The following KLF12 variants were observed in gnomAD, a reference collection of about 807,000 sequenced individuals.
KLF12 encodes the protein Krueppel-like factor 12.
KLF12 carries 9 observed loss-of-function variants against 37.8 expected under a neutral mutation model. That is an observed-to-expected ratio of 0.24 (90% CI 0.14 to 0.42). The LOEUF (loss-of-function observed/expected upper bound fraction) is 0.42. KLF12 is among the 10% of genes least tolerant of loss of function. KLF12 has a pLI of 1.00. For missense variants in KLF12, 411 were observed against 516.0 expected (o/e 0.80, Z 1.97); for synonymous variants, 208 against 202.1 (o/e 1.03, Z -0.25).
chr13:74,090,066 T>C (rs556179400), intron 1 of KLF12, among the ~76,000 whole-genome samples: 1 of 152,176 alleles, frequency 6.6e-6, no homozygotes, highest in African/African-American at 2.4e-5. Flanking sequence ...GAAAATACAT[T>C]ACAACTAATA....
At chr13:73,836,628 T>A (rs1462861550) in intron 4 of KLF12, among the ~76,000 whole-genome samples, 1 of 152,304 alleles carries the variant, frequency 6.6e-6, no homozygotes, top group African/African-American at 2.4e-5. Flanking sequence ...ATAACAGCAC[T>A]TGTACTATAT....
chr13:73,790,443 T>A (rs189509181), intron 5 of KLF12, among the ~76,000 whole-genome samples: 1 of 152,200 alleles, frequency 6.6e-6, no homozygotes, highest in Non-Finnish European at 1.5e-5. Context: ...TTTAAAAAAA[T>A]TGTACTGTTT....
Position 73,978,376 on chromosome 13 carries a change from A to G in KLF12, c.33+16614T>C, listed in dbSNP as rs114893804. 5.6e-3 allele frequency among the ~76,000 whole-genome samples: 854 copies of G among 152,320 alleles called. 7 individuals are homozygous for G. Among genetic ancestry groups the G allele is most frequent in the African/African-American group, 0.02 (815 of 41,582 alleles). ...TGAAAAAAATATTCCACATTATATG[A>G]TATCAGGGAAATGCAAATTAAAGCA... On this transcript the variant is annotated intron_variant, in intron 2 of 7. Transcript: ENST00000377669.
At chr13:74,200,805 C>A in the KLF12 span, among the ~76,000 whole-genome samples, 3 of 152,056 alleles carry the variant, frequency 2.0e-5, no homozygotes, top group Non-Finnish European at 4.4e-5. Context: ...CCCTTTCTCT[C>A]AGTTTTTTAA....
At chr13:73,955,372 ATGACAGGAAT>A (rs1405434802) in intron 2 of KLF12, among the ~76,000 whole-genome samples, 2 of 152,192 alleles carry the variant, frequency 1.3e-5, no homozygotes, top group African/African-American at 4.8e-5. Flanking sequence ...TTTATAAATG[ATGACAGGAAT>A]TGACAGAAAA....
the KLF12 span, among the ~76,000 whole-genome samples, chr13:74,262,803 G>GTATA: frequency 6.6e-6 from 1 of 151,004 alleles, no homozygotes; most frequent in African/African-American, 2.4e-5. Context: ...CAGAATAATA[G>GTATA]TATATATATA....
chr13:74,004,366 C>T (rs190886834), intron 1 of KLF12, among the ~76,000 whole-genome samples: 1 of 152,262 alleles, frequency 6.6e-6, no homozygotes, highest in East Asian at 1.9e-4. Context: ...TCCTCACAAC[C>T]TTGTGAAGCG....
intron 6 of KLF12, among the ~76,000 whole-genome samples, chr13:73,755,951 G>A (rs1431414609): frequency 6.6e-6 from 1 of 152,068 alleles, no homozygotes; most frequent in Non-Finnish European, 1.5e-5. Flanking sequence ...TTATGGCTGA[G>A]CAGCCTTCCA....
intron 3 of KLF12, among the ~76,000 whole-genome samples, chr13:73,922,745 C>T (rs1309730019): frequency 6.6e-6 from 1 of 152,118 alleles, no homozygotes; most frequent in Admixed American, 6.6e-5. Flanking sequence ...AGGTATTGTG[C>T]AAGGCTTCAG....
chr13:73,696,484 G>C (rs1874161855), intron 7 of KLF12, among the ~76,000 whole-genome samples: 1 of 152,138 alleles, frequency 6.6e-6, no homozygotes, highest in Non-Finnish European at 1.5e-5. Context: ...GAGCTCCCAG[G>C]GGGAGTGGGA....
At chr13:73,884,887 G>A (rs1431422656) in intron 3 of KLF12, among the ~76,000 whole-genome samples, 1 of 151,998 alleles carries the variant, frequency 6.6e-6, no homozygotes, top group Non-Finnish European at 1.5e-5. Flanking sequence ...CATCACAGCT[G>A]GGCAACCACT....
intron 3 of KLF12, among the ~76,000 whole-genome samples, chr13:73,880,429 A>G (rs561056264): frequency 6.6e-6 from 1 of 152,184 alleles, no homozygotes; most frequent in Admixed American, 6.5e-5. Context: ...CAGGCCATTA[A>G]GCGTAGGGGT....
intron 1 of KLF12, among the ~76,000 whole-genome samples, chr13:74,011,435 TA>T (rs1352009129): frequency 6.6e-6 from 1 of 152,162 alleles, no homozygotes; most frequent in East Asian, 1.9e-4. Flanking sequence ...AAAATAACTT[TA>T]AAAAGTTCAC....
chr13:74,207,175 C>T, the KLF12 span, among the ~76,000 whole-genome samples: 4 of 152,192 alleles, frequency 2.6e-5, no homozygotes, highest in African/African-American at 7.2e-5. Context: ...CGAGCCCACT[C>T]ATATGATCAA....
chr13:74,297,062 AAAGT>A, the KLF12 span, among the ~76,000 whole-genome samples: 1 of 78,342 alleles, frequency 1.3e-5, no homozygotes, highest in East Asian at 4.9e-4. Flanking sequence ...ATACAAAGTG[AAAGT>A]CATTCATTCA....
At chr13:74,031,567 C>T (rs1593843664) in intron 1 of KLF12, among the ~76,000 whole-genome samples, 1 of 152,196 alleles carries the variant, frequency 6.6e-6, no homozygotes, top group East Asian at 1.9e-4. Context: ...TAAATCATTA[C>T]TATTAAAGAG....
intron 2 of KLF12, among the ~76,000 whole-genome samples, chr13:73,976,152 G>GTTTGT (rs760255784): frequency 2.1e-5 from 3 of 143,434 alleles, no homozygotes; most frequent in African/African-American, 8.0e-5. Context: ...TTGTTTTGGG[G>GTTTGT]TTTTTTTTTT....
At chr13:73,865,795 A>G (rs76352672) in intron 3 of KLF12, among the ~76,000 whole-genome samples, 8,212 of 152,296 alleles carry the variant, frequency 0.054, 306 homozygotes, top group African/African-American at 0.085. Flanking sequence ...AAAACCAAAC[A>G]AAAACCTAGT....
chr13:74,257,869 G>T, the KLF12 span: 3 of 152,062 alleles, frequency 2.0e-5, no homozygotes, highest in Admixed American at 6.5e-5. Flanking sequence ...TCTAAATTCT[G>T]GTGAGTGGTG....
Sources: allele counts gnomAD v4.1 joint callset (sites outside exome capture counted in the v4.1 genomes callset), GRCh38; gene constraint gnomAD v4.1.1; transcripts MANE v1.5; gene names NCBI Gene and HGNC (gene_info 2026-07-23, HGNC 2026-07-21).